Variants in WBP1L observed in about 807,000 individuals in gnomAD.
WBP1L encodes WW domain binding protein 1 like.
A neutral mutation model predicts 33.7 loss-of-function variants in WBP1L; 17 were observed. The ratio of observed to expected loss-of-function variants is 0.50; its 90% CI spans 0.34 to 0.76. WBP1L has a LOEUF of 0.76. Among genes scored for constraint, WBP1L ranks in the 30% least tolerant of loss-of-function variants. The pLI, the probability that WBP1L is intolerant of heterozygous loss-of-function variation, is 0.01. For missense variants in WBP1L, 389 were observed against 469.4 expected (o/e 0.83, Z 1.58); for synonymous variants, 173 against 190.8 (o/e 0.91, Z 0.77).
intron 1 of WBP1L, among the ~76,000 whole-genome samples, chr10:102,771,101 G>T (rs532100903): frequency 6.6e-6 from 1 of 152,230 alleles, no homozygotes; most frequent in East Asian, 1.9e-4. Context: ...CATGGTCAGG[G>T]TTGAACAAAT....
At chr10:102,748,459 A>G (rs1302612911) in intron 1 of WBP1L, among the ~76,000 whole-genome samples, 1 of 152,104 alleles carries the variant, frequency 6.6e-6, no homozygotes, top group Non-Finnish European at 1.5e-5. Flanking sequence ...CATCACCATC[A>G]TTCCTCCTTA....
intron 2 of WBP1L, among the ~76,000 whole-genome samples, chr10:102,809,409 T>C (rs1474811092): frequency 1.3e-5 from 2 of 152,022 alleles, no homozygotes; most frequent in African/African-American, 4.8e-5. Context: ...TCTTGCTCTG[T>C]CGCCCAGGCT....
intron 1 of WBP1L, among the ~76,000 whole-genome samples, chr10:102,775,076 C>A (rs1212572832): frequency 6.9e-6 from 1 of 144,548 alleles, no homozygotes; most frequent in Admixed American, 7.1e-5. Context: ...GATCATCACA[C>A]CACTGTACTC....
chr10:102,775,654 C>T (rs983937295), intron 1 of WBP1L, among the ~76,000 whole-genome samples: 1 of 152,116 alleles, frequency 6.6e-6, no homozygotes, highest in Non-Finnish European at 1.5e-5. Flanking sequence ...GGTAGCGTGT[C>T]GTACCTTAGC....
intron 2 of WBP1L, among the ~76,000 whole-genome samples, chr10:102,799,736 G>T (rs529916669): frequency 6.6e-6 from 1 of 151,920 alleles, no homozygotes; most frequent in Non-Finnish European, 1.5e-5. Flanking sequence ...TCCTATCTGC[G>T]CCTTTCCCCT....
intron 1 of WBP1L, among the ~76,000 whole-genome samples, chr10:102,777,395 A>G (rs868369484): frequency 2.0e-5 from 3 of 151,428 alleles, no homozygotes; most frequent in Non-Finnish European, 4.4e-5. Context: ...TAGGTGGACA[A>G]CTCTCCCTTG....
chr10:102,781,544 C>T (rs940048531), intron 1 of WBP1L, among the ~76,000 whole-genome samples: 5 of 152,078 alleles, frequency 3.3e-5, no homozygotes, highest in African/African-American at 1.2e-4. Context: ...ATCCACAGTC[C>T]ACTGCAGGCC....
chr10:102,811,591 A>G (rs1026854632), intron 3 of WBP1L, among the ~76,000 whole-genome samples: 2 of 152,096 alleles, frequency 1.3e-5, no homozygotes, highest in African/African-American at 4.8e-5. Flanking sequence ...GCTCACTGCA[A>G]CCTCCTCCTC....
chr10:102,795,274 T>G (rs773402235), intron 1 of WBP1L, among the ~76,000 whole-genome samples: 6 of 152,242 alleles, frequency 3.9e-5, no homozygotes, highest in Non-Finnish European at 7.3e-5. Flanking sequence ...TGCTGTTCAG[T>G]AGATTAACTG....
Position 102,744,207 on chromosome 10 carries a change from G to A in WBP1L, c.90+64G>A, listed in dbSNP as rs549910802. 359 of 1,464,000 alleles carry A rather than the reference G, an allele frequency of 2.5e-4. 5 individuals are homozygous for A. The South Asian group carries it at 4.3e-3, about 18-fold the overall frequency. The allele number at this position is 1,464,000 out of a possible 1,614,324, so 90.7% of individuals were successfully genotyped here. A position where few individuals can be genotyped will look rare whatever the true frequency, so the allele number is the denominator to read the frequency against. On this transcript the variant is annotated intron_variant, in intron 1 of 3. Coordinates refer to ENST00000448841, the MANE Select transcript of WBP1L (RefSeq NM_001083913.2). Reference sequence around the variant, plus strand: ...GGGGTCGTCGAGGCCTGGCTGGAGGGGTCTGAAGGAGTGTTGTTGCCAAGA... The same window carrying A: ...GGGGTCGTCGAGGCCTGGCTGGAGGAGTCTGAAGGAGTGTTGTTGCCAAGA...
intron 1 of WBP1L, among the ~76,000 whole-genome samples, chr10:102,786,767 A>G (rs1843421183): frequency 6.6e-6 from 1 of 152,176 alleles, no homozygotes; most frequent in South Asian, 2.1e-4. Flanking sequence ...TGTCCCCACT[A>G]CTACCCCTGG....
At chr10:102,808,710 C>T (rs1189376681) in intron 2 of WBP1L, among the ~76,000 whole-genome samples, 3 of 152,186 alleles carry the variant, frequency 2.0e-5, no homozygotes, top group Non-Finnish European at 4.4e-5. Context: ...ATTTTTCCAC[C>T]TCTAACTTTA....
intron 1 of WBP1L, among the ~76,000 whole-genome samples, chr10:102,754,109 C>G (rs1039120228): frequency 2.7e-4 from 41 of 152,196 alleles, no homozygotes; most frequent in Non-Finnish European, 3.5e-4. Flanking sequence ...ATATTTTTCT[C>G]TCTTAGTAGT....
rs1221932250 is a variant in WBP1L at position 102,793,246 on chromosome 10, G to T, written c.91-4747G>T. Among the ~76,000 whole-genome samples, 4 of 152,100 alleles carry T rather than the reference G, an allele frequency of 2.6e-5. No individual in the cohort carries two copies. In the East Asian group the frequency reaches 7.7e-4, roughly 29 times the overall value. Reference sequence around the variant, plus strand: ...GCTTAAGGCCAGGAGTTTGAGATCTGCCTGAGCAACATAGTGAGACCCTGC... The same window carrying T: ...GCTTAAGGCCAGGAGTTTGAGATCTTCCTGAGCAACATAGTGAGACCCTGC... On this transcript the variant is annotated intron_variant, in intron 1 of 3. Transcript: ENST00000448841.
intron 1 of WBP1L, among the ~76,000 whole-genome samples, chr10:102,777,812 A>C (rs1265130287): frequency 6.6e-6 from 1 of 151,900 alleles, no homozygotes; most frequent in Non-Finnish European, 1.5e-5. Flanking sequence ...TGATCCGGCC[A>C]CCTCAGCCTC....
chr10:102,746,845 C>CA (rs1159216188), intron 1 of WBP1L, among the ~76,000 whole-genome samples: 1 of 152,088 alleles, frequency 6.6e-6, no homozygotes, highest in Non-Finnish European at 1.5e-5. Context: ...CTTTTTTTTA[C>CA]ATGCACAATC....
At chr10:102,796,826 G>A (rs536936878) in intron 1 of WBP1L, among the ~76,000 whole-genome samples, 10 of 152,314 alleles carry the variant, frequency 6.6e-5, no homozygotes, top group African/African-American at 9.6e-5. Context: ...TACAGGTTTC[G>A]TCATCTGCAT....
intron 1 of WBP1L, among the ~76,000 whole-genome samples, chr10:102,768,806 G>C (rs1590173362): frequency 6.6e-6 from 1 of 150,912 alleles, no homozygotes; most frequent in Non-Finnish European, 1.5e-5. Context: ...TCCTGCCTCA[G>C]CCTCCCAAGT....
intron 1 of WBP1L, among the ~76,000 whole-genome samples, chr10:102,786,478 C>A (rs946030578): frequency 6.6e-6 from 1 of 152,144 alleles, no homozygotes; most frequent in Non-Finnish European, 1.5e-5. Context: ...AGTCCCTGCC[C>A]CTAGAGGGTC....
Sources: allele counts gnomAD v4.1 joint callset (sites outside exome capture counted in the v4.1 genomes callset), GRCh38; gene constraint gnomAD v4.1.1; transcripts MANE v1.5; gene names NCBI Gene and HGNC (gene_info 2026-07-23, HGNC 2026-07-21).